MROH1: variants seen among roughly 807,000 people sequenced by gnomAD.
MROH1 encodes maestro heat like repeat family member 1.
Under a neutral mutation model 116.5 loss-of-function variants are expected in MROH1, and 117 were observed. The ratio of observed to expected loss-of-function variants is 1.00; its 90% CI spans 0.86 to 1.17. The LOEUF (loss-of-function observed/expected upper bound fraction) is 1.17, where lower values mean the gene tolerates loss of function less well. Among genes scored for constraint, MROH1 ranks in the 50% most tolerant of loss-of-function variants. The probability of loss-of-function intolerance (pLI) is 0.00; values close to 1 mark genes in which losing one functional copy is unlikely to be tolerated. For missense variants in MROH1, 1,873 were observed against 1,338.5 expected (o/e 1.40, Z -6.23); for synonymous variants, 921 against 583.9 (o/e 1.58, Z -8.32).
At chr8:144,237,332 G>C (rs1252442560) in intron 14 of MROH1, among the ~76,000 whole-genome samples, 1 of 152,188 alleles carries the variant, frequency 6.6e-6, no homozygotes, top group East Asian at 1.9e-4. Flanking sequence ...ACACTTGGTC[G>C]GTAGCACCCT....
intron 7 of MROH1, among the ~76,000 whole-genome samples, chr8:144,187,594 C>T (rs1827503616): frequency 6.6e-6 from 1 of 152,234 alleles, no homozygotes; most frequent in East Asian, 1.9e-4. Context: ...TGAAGCTTAT[C>T]TGCATTCCTG....
intron 32 of MROH1, 143 bp downstream of exon 32, chr8:144,249,172 G>A (rs1240945936): frequency 3.0e-6 from 2 of 659,066 alleles, no homozygotes; most frequent in East Asian, 5.4e-5. Flanking sequence ...GGCCTGTCCT[G>A]GACCACCCTG....
At chr8:144,246,080 C>G (rs1220283033) in intron 29 of MROH1, among the ~76,000 whole-genome samples, 1 of 118,840 alleles carries the variant, frequency 8.4e-6, no homozygotes, top group Non-Finnish European at 1.7e-5. Flanking sequence ...TCCTTTCCTT[C>G]CTTTCCTTCC....
In MROH1 at chr8:144,254,981, G is replaced by A; in HGVS notation, c.3594+3G>A. 1 of 759,028 alleles carries A rather than the reference G, an allele frequency of 1.3e-6. No individual in the cohort carries two copies. The highest frequency in any genetic ancestry group is 2.4e-6 in the Non-Finnish European group (1 of 410,640). The allele number at this position is 759,028 out of a possible 1,614,324, so 47.0% of individuals were successfully genotyped here. On this transcript the variant is annotated splice_donor_region_variant and intron_variant, in intron 34 of 43. Coordinates refer to ENST00000326134, the MANE Select transcript of MROH1 (RefSeq NM_032450.3). ...TGGCCACGCTGCTGCCTCTCTCGGT[G>A]AGTCGGGCTCTCGGGGCCACCTTGA... is the stretch of plus-strand genomic sequence containing the variant.
At position 144,240,682 on chromosome 8, in the gene MROH1, G is replaced by T; in HGVS notation, c.1935+5G>T. 1.4e-6 allele frequency: 1 copy of T among 715,644 alleles called. No homozygotes were observed. Among genetic ancestry groups the T allele is most frequent in the Non-Finnish European group, 2.6e-6 (1 of 384,934 alleles). The allele number at this position is 715,644 out of a possible 1,614,324, so 44.3% of individuals were successfully genotyped here. On this transcript the variant is annotated splice_donor_5th_base_variant and intron_variant, in intron 20 of 43. Transcript: ENST00000326134. ...GATGAGGCACCCCAGGAGAAGGTGG[G>T]GCACCTGCTGGCGTTCTTGGTGTGG...
Position 144,179,517 on chromosome 8 carries a change from C to G in MROH1, c.231C>G (p.Ala77=). The G allele has an allele frequency of 2.5e-6, 4 of 1,613,586 alleles. No homozygotes were observed. Among genetic ancestry groups the G allele is most frequent in the Non-Finnish European group, 3.4e-6 (4 of 1,179,838 alleles). Residue 77 remains alanine, a synonymous_variant, in exon 5 of 44, where the codon GCC becomes GCG. Transcript: ENST00000326134. ...RAMERVLSSR[A]SELDKDTAST... is the part of the protein sequence containing the mutation. ...TGGAGAGGGTCCTGAGCAGTCGCGC[C>G]AGTGAGCTGGACAAGGACACAGCCA...
rs1238468444 is a variant in MROH1 at position 144,182,563 on chromosome 8, T to C, written c.562+2040T>C. Among the ~76,000 whole-genome samples, 1 of 152,104 alleles carries C rather than the reference T, an allele frequency of 6.6e-6. No individual in the cohort carries two copies. Among genetic ancestry groups the C allele is most frequent in the African/African-American group, 2.4e-5 (1 of 41,416 alleles). ...CATTGAGAGAATAAAACTGACCTTCTGTGAATTAAAGATGCCATAATAGAA... is the reference window on the plus strand; with the variant it reads ...CATTGAGAGAATAAAACTGACCTTCCGTGAATTAAAGATGCCATAATAGAA... On this transcript the variant is annotated intron_variant, in intron 7 of 43. Coordinates refer to ENST00000326134, the MANE Select transcript of MROH1 (RefSeq NM_032450.3). This position sits in a 1 kb window ranked among gnomAD's most constrained non-coding sequence, Gnocchi z 4.1.
rs895745316 is a variant in MROH1, at chr8:144,220,768, C to T, written c.1215+95C>T. 3.1e-5 allele frequency: 33 copies of T among 1,062,178 alleles called. 1 individual carries two copies. The highest frequency in any genetic ancestry group is 1.8e-4 in the East Asian group (7 of 38,650). 65.8% of individuals were successfully genotyped at this position (1,062,178 alleles called of 1,614,324 possible). On this transcript the variant is annotated intron_variant, in intron 13 of 43. Transcript: ENST00000326134. ...GCTGTGAGATCACCCACCAACCAGG[C>T]GGCCACCACCCTTGGCTGGACTGAG...
intron 29 of MROH1, 138 bp downstream of exon 29, chr8:144,245,398 C>A (rs1841715413): frequency 4.6e-6 from 3 of 652,654 alleles, no homozygotes; most frequent in Non-Finnish European, 8.3e-6. Flanking sequence ...GGATTGAGGG[C>A]CTGTCAGGGC....
chr8:144,241,356 G>A (rs996965313), intron 21 of MROH1, 39 bp from the exon 22 acceptor site: 47 of 746,206 alleles, frequency 6.3e-5, no homozygotes, highest in Non-Finnish European at 7.5e-5. Context: ...GTGGCAGTGC[G>A]TGCTCTTCCC....
At chr8:144,177,237 G>A (rs971527776) in intron 4 of MROH1, among the ~76,000 whole-genome samples, 6 of 152,168 alleles carry the variant, frequency 3.9e-5, no homozygotes, top group East Asian at 3.8e-4. Flanking sequence ...GACTCTCAAC[G>A]TTTGAGATAG....
At chr8:144,155,638 C>CT (rs1181004854) in intron 1 of MROH1, among the ~76,000 whole-genome samples, 1,813 of 125,950 alleles carry the variant, frequency 0.014, 25 homozygotes, top group African/African-American at 0.023. Flanking sequence ...AGGTGTTTTT[C>CT]TTTTTTTTTT....
intron 14 of MROH1, among the ~76,000 whole-genome samples, chr8:144,225,498 G>A (rs962276813): frequency 6.6e-6 from 1 of 151,164 alleles, no homozygotes; most frequent in Non-Finnish European, 1.5e-5. Flanking sequence ...TCTGTTGCTT[G>A]TCTTTTTACT....
At chr8:144,213,881 T>C (rs938532319) in intron 12 of MROH1, 2 of 152,358 alleles carry the variant, frequency 1.3e-5, no homozygotes, top group East Asian at 3.8e-4. Context: ...AAAGCATTGT[T>C]ATCGAAGTCT....
intron 2 of MROH1, among the ~76,000 whole-genome samples, chr8:144,161,552 G>A (rs563037744): frequency 2.6e-5 from 4 of 152,284 alleles, no homozygotes; most frequent in South Asian, 4.1e-4. Context: ...TTAGGGCTCC[G>A]CCTCATTTCC....
Position 144,239,627 on chromosome 8 carries a change from G to A in MROH1, c.1646G>A (p.Ser549Asn). Residue 549 changes from serine to asparagine, a missense_variant, in exon 18 of 44, where the codon AGC becomes AAC. By Grantham distance (46) the Ser-to-Asn change is conservative. Transcript: ENST00000326134. ...VTGRLLVVSSSPYLGDGRGAA... is the reference protein window; with the variant it reads ...VTGRLLVVSSNPYLGDGRGAA... Reference sequence around the variant, plus strand: ...GCCTCTTTTCAGGTTGTGTCTTCCAGCCCCTACCTAGGGGACGGACGTGGG... The same window carrying A: ...GCCTCTTTTCAGGTTGTGTCTTCCAACCCCTACCTAGGGGACGGACGTGGG... 1 of 771,948 alleles carries A rather than the reference G, an allele frequency of 1.3e-6. No homozygotes were observed. The highest frequency in any genetic ancestry group is 1.7e-5 in the Admixed American group (1 of 57,784). The allele number at this position is 771,948 out of a possible 1,614,324, so 47.8% of individuals were successfully genotyped here.
At position 144,260,947 on chromosome 8, in the gene MROH1, C is replaced by T. The variant is rs1389458476; in HGVS notation, c.4577C>T (p.Ala1526Val). Residue 1526 changes from alanine to valine, a missense_variant, in exon 41 of 44, where the codon GCA (alanine) becomes GTA (valine). Coordinates refer to ENST00000326134, the MANE Select transcript of MROH1 (RefSeq NM_032450.3). ...CTGCGCATGTGTGGCCCCAATCTGG[C>T]ATGTGAGGAGCTCTCAGCTGCTTTC... ...FALRMCGPNL[A>V]CEELSAAFQK... The T allele has an allele frequency of 1.3e-6, 1 of 777,576 alleles. No individual in the cohort carries two copies. The highest frequency in any genetic ancestry group is 2.4e-6 in the Non-Finnish European group (1 of 417,778). The allele number at this position is 777,576 out of a possible 1,614,324, so 48.2% of individuals were successfully genotyped here.
chr8:144,255,378 G>A, intron 34 of MROH1, 131 bp from the exon 35 acceptor site: 1 of 671,448 alleles, frequency 1.5e-6, no homozygotes, highest in Non-Finnish European at 2.8e-6. Context: ...CGCCCTTCCT[G>A]CGCTGCAGCT....
At position 144,223,191 on chromosome 8, in the gene MROH1, G is replaced by A. The variant is rs748839928; in HGVS notation, c.1299G>A (p.Glu433=). The A allele has an allele frequency of 6.8e-6, 11 of 1,611,552 alleles. No individual in the cohort carries two copies. Among genetic ancestry groups the A allele is most frequent in the Non-Finnish European group, 9.3e-6 (11 of 1,179,076 alleles). Residue 433 remains glutamate, a synonymous_variant, in exon 14 of 44, where the codon GAG becomes GAA. Transcript: ENST00000326134. ...LEQPGGEAMI[E]YIVQQCALPP... is the part of the protein sequence containing the mutation. ...AGCCTGGAGGTGAGGCGATGATCGA[G>A]TACATCGTGCAGCAGTGCGCGCTGC...
Sources: allele counts gnomAD v4.1 joint callset (sites outside exome capture counted in the v4.1 genomes callset), GRCh38; gene constraint gnomAD v4.1.1; non-coding constraint Gnocchi (gnomAD v3.1); transcripts MANE v1.5; gene names NCBI Gene and HGNC (gene_info 2026-07-23, HGNC 2026-07-21).